Variants in RIN2 observed in about 807,000 individuals in gnomAD.
RIN2 encodes Ras and Rab interactor 2.
RIN2 carries 36 observed loss-of-function variants against 78.0 expected under a neutral mutation model. The ratio of observed to expected loss-of-function variants is 0.46; its 90% CI spans 0.35 to 0.61. The LOEUF (loss-of-function observed/expected upper bound fraction) is 0.61. RIN2 is among the 20% of genes least tolerant of loss of function. The pLI is 0.00. For missense variants in RIN2, 1,087 were observed against 1,159.7 expected, an observed-to-expected ratio of 0.94 and a Z score of 0.91; for synonymous variants, 466 against 466.8, an observed-to-expected ratio of 1.00 and a Z score of 0.02.
At chr20:19,787,460 A>C (rs1248446024) in intron 1 of RIN2, among the ~76,000 whole-genome samples, 1 of 147,926 alleles carries the variant, frequency 6.8e-6, no homozygotes, top group South Asian at 2.2e-4. Flanking sequence ...AGAGAGAGAG[A>C]GAAATGACCT....
In RIN2 at chr20:19,964,611, T is replaced by C. The variant is rs972619400; in HGVS notation, c.464-341T>C. On this transcript the variant is annotated intron_variant, in intron 6 of 12. Transcript: ENST00000255006. Reference sequence around the variant, plus strand: ...GGGTCTTGGTGTTCCCCAAGCCCTGTCCTGTGCTGATACAATCCAGACAGA... The same window carrying C: ...GGGTCTTGGTGTTCCCCAAGCCCTGCCCTGTGCTGATACAATCCAGACAGA... 5.9e-5 allele frequency among the ~76,000 whole-genome samples: 9 copies of C among 152,286 alleles called. No individual in the cohort carries two copies. The South Asian group carries it at 1.9e-3, about 32-fold the overall frequency.
intron 1 of RIN2, among the ~76,000 whole-genome samples, chr20:19,793,359 C>G (rs2034948754): frequency 6.6e-6 from 1 of 152,200 alleles, no homozygotes; most frequent in Admixed American, 6.5e-5. Flanking sequence ...GATTGCCACA[C>G]AGGGCCCGTG....
At chr20:19,835,037 GAGAA>G (rs1376351801) in intron 2 of RIN2, among the ~76,000 whole-genome samples, 203 of 148,124 alleles carry the variant, frequency 1.4e-3, no homozygotes, top group African/African-American at 4.8e-3. Flanking sequence ...AAAAGAGAAA[GAGAA>G]AGAAAAAGAC....
In RIN2 at chr20:19,988,185, CT is replaced by C. The variant is rs566973545; in HGVS notation, c.1763-1820del. On this transcript the variant is annotated intron_variant, in intron 9 of 12. Transcript: ENST00000255006. ...TCAGGCTGGAGTGCAGTGGCAGGAT[CT>C]CGGCTCACTGCAAGCTTTGCCTCCA... is the stretch of plus-strand genomic sequence containing the variant. 1.5e-3 allele frequency among the ~76,000 whole-genome samples: 233 copies of C among 152,294 alleles called. 2 individuals are homozygous for C. The highest frequency in any genetic ancestry group is 0.014 in the Middle Eastern group (4 of 294).
intron 3 of RIN2, among the ~76,000 whole-genome samples, chr20:19,897,210 A>AG (rs2038772793): frequency 6.6e-6 from 1 of 152,080 alleles, no homozygotes; most frequent in Non-Finnish European, 1.5e-5. Flanking sequence ...AGTTCAAGTG[A>AG]TTCTCCTGCC....
chr20:19,778,706 C>A (rs2034395962), intron 1 of RIN2, among the ~76,000 whole-genome samples: 1 of 152,114 alleles, frequency 6.6e-6, no homozygotes, highest in African/African-American at 2.4e-5. Context: ...TGGGCCACAC[C>A]AAGTAATGGG....
intron 4 of RIN2, among the ~76,000 whole-genome samples, chr20:19,945,969 T>G (rs867223089): frequency 2.6e-4 from 39 of 152,326 alleles, no homozygotes; most frequent in African/African-American, 8.4e-4. Flanking sequence ...AGGCTGGAGC[T>G]GAGCAGCGGA....
chr20:19,975,531 G>A lies in RIN2; in HGVS notation c.1506G>A (p.Gly502=), dbSNP rs1457622331. The change falls in exon 9 of 13, where the codon GGG becomes GGA. Residue 502 remains glycine, a synonymous_variant. Coordinates refer to ENST00000255006, the MANE Select transcript of RIN2 (RefSeq NM_018993.4). The surrounding 1 kb of genome is among the most constrained non-coding windows in gnomAD (Gnocchi z 4.9). ...LVKSQLQKVS[G]VFSSFMTPEK... ...AGTCCCAGCTGCAGAAGGTGAGCGG[G>A]GTGTTCAGCTCCTTCATGACCCCGG... 3.1e-6 allele frequency: 5 copies of A among 1,614,028 alleles called. No homozygotes were observed. Among genetic ancestry groups the A allele is most frequent in the Non-Finnish European group, 4.2e-6 (5 of 1,179,898 alleles).
At chr20:19,998,653 A>G (rs1368256312) in intron 12 of RIN2, among the ~76,000 whole-genome samples, 1 of 152,156 alleles carries the variant, frequency 6.6e-6, no homozygotes, top group Non-Finnish European at 1.5e-5. Flanking sequence ...TTGAAAGCCA[A>G]GATCAGCTCA....
chr20:19,845,442 G>A (rs1235201775), intron 2 of RIN2, among the ~76,000 whole-genome samples: 1 of 152,004 alleles, frequency 6.6e-6, no homozygotes, highest in African/African-American at 2.4e-5. Flanking sequence ...GGTGTGAGAT[G>A]GTATCTCATT....
At position 19,979,778 on chromosome 20, in the gene RIN2, C is replaced by T. The variant is rs370989482; in HGVS notation, c.1762+3991C>T. ...TATTCTGGGGCCAGGTGCAGTGGCT[C>T]ACACCTGTAATCTCAGCACTTAAGG... On this transcript the variant is annotated intron_variant, in intron 9 of 12. Transcript: ENST00000255006. Among the ~76,000 whole-genome samples, 170 of 152,062 alleles carry T rather than the reference C, an allele frequency of 1.1e-3. 2 individuals are homozygous for T. In the South Asian group the frequency reaches 0.03, roughly 27 times the overall value.
intron 3 of RIN2, among the ~76,000 whole-genome samples, chr20:19,927,087 A>C (rs1239856207): frequency 6.7e-6 from 1 of 149,356 alleles, no homozygotes; most frequent in East Asian, 1.9e-4. Flanking sequence ...GCAGGAGGAG[A>C]TTGGACTCCG....
intron 2 of RIN2, among the ~76,000 whole-genome samples, chr20:19,804,859 GTTTGT>G (rs2038455973): frequency 6.6e-6 from 1 of 152,026 alleles, no homozygotes; most frequent in African/African-American, 2.4e-5. Context: ...TGTTGTTGTT[GTTTGT>G]TTTGTTTTGT....
intron 4 of RIN2, among the ~76,000 whole-genome samples, chr20:19,950,533 AT>A (rs1051591681): frequency 6.6e-6 from 1 of 150,940 alleles, no homozygotes; most frequent in African/African-American, 2.4e-5. Context: ...TTATCTCCCT[AT>A]TTTTTTTCTT....
chr20:19,916,127 C>T lies in RIN2; in HGVS notation c.58-18972C>T, dbSNP rs142637314. Among the ~76,000 whole-genome samples the T allele has an allele frequency of 1.8e-4, 28 of 152,312 alleles. No individual in the cohort carries two copies. The East Asian group carries it at 5.4e-3, about 29-fold the overall frequency. On this transcript the variant is annotated intron_variant, in intron 3 of 12. Transcript: ENST00000255006. The stretch of plus-strand genomic sequence containing the variant: ...TGGTGGCACGCGCCTGTAGTCCCAG[C>T]TACTCGGGAGGCTGAGGCAGGAGAA...
At chr20:19,799,445 C>A in intron 1 of RIN2, 177 bp from the exon 2 acceptor site, 1 of 152,154 alleles carries the variant, frequency 6.6e-6, no homozygotes, top group East Asian at 1.9e-4. Flanking sequence ...AATCTCCCTC[C>A]TCGGTTTCCT....
chr20:19,987,220 C>T (rs1568710075), intron 9 of RIN2, among the ~76,000 whole-genome samples: 1 of 152,076 alleles, frequency 6.6e-6, no homozygotes, highest in Non-Finnish European at 1.5e-5. Context: ...CCAAATGGGC[C>T]TTTGGGTTAT....
At chr20:19,809,586 A>G (rs2035523327) in intron 2 of RIN2, 1 of 152,702 alleles carries the variant, frequency 6.5e-6, no homozygotes, top group Non-Finnish European at 1.5e-5. Flanking sequence ...TGTGGGAAGA[A>G]ATCAAAGGCA....
chr20:19,825,351 G>A (rs1256444032), intron 2 of RIN2, among the ~76,000 whole-genome samples: 1 of 152,212 alleles, frequency 6.6e-6, no homozygotes, highest in Non-Finnish European at 1.5e-5. Context: ...CTCCAGAGCA[G>A]TCCATGCCAT....
Sources: gnomAD v4.1 joint callset for allele counts (sites outside exome capture counted in the v4.1 genomes callset) on GRCh38, gnomAD v4.1.1 for gene constraint, Gnocchi (gnomAD v3.1) non-coding constraint, MANE v1.5 for transcripts, NCBI Gene and HGNC (gene_info 2026-07-23, HGNC 2026-07-21) for gene names.